Variants in ADAMTSL1 observed in about 807,000 individuals in gnomAD.
ADAMTSL1 encodes the protein ADAMTS-like protein 1.
A neutral mutation model predicts 201.8 loss-of-function variants in ADAMTSL1; 126 were observed. The ratio of observed to expected loss-of-function variants is 0.62; its 90% CI spans 0.54 to 0.72. ADAMTSL1 has a LOEUF of 0.72. ADAMTSL1 is among the 30% of genes least tolerant of loss of function. ADAMTSL1 has a pLI of 0.00. For missense variants in ADAMTSL1, 2,679 were observed against 2,277.8 expected, an observed-to-expected ratio of 1.18 and a Z score of -3.59; for synonymous variants, 1,121 against 903.4, an observed-to-expected ratio of 1.24 and a Z score of -4.32.
chr9:18,418,303 G>A (rs940434722), intron 2 of ADAMTSL1, among the ~76,000 whole-genome samples: 1 of 152,146 alleles, frequency 6.6e-6, no homozygotes, highest in Non-Finnish European at 1.5e-5. Context: ...CCGGCACTGG[G>A]GAAGGCAGTG....
At chr9:18,772,053 A>C (rs552371181) in intron 17 of ADAMTSL1, among the ~76,000 whole-genome samples, 2 of 152,290 alleles carry the variant, frequency 1.3e-5, no homozygotes, top group Non-Finnish European at 2.9e-5. Flanking sequence ...ATTTGATTTC[A>C]AGATATAAAG....
chr9:18,360,000 G>A (rs1836446367), intron 2 of ADAMTSL1, among the ~76,000 whole-genome samples: 1 of 152,024 alleles, frequency 6.6e-6, no homozygotes, highest in Non-Finnish European at 1.5e-5. Context: ...TTATTGTGCA[G>A]ATTAGAGATT....
chr9:18,315,696 C>G (rs4606157), intron 2 of ADAMTSL1, among the ~76,000 whole-genome samples: 48,140 of 151,810 alleles, frequency 0.32, 8,628 homozygotes, highest in Admixed American at 0.5. Flanking sequence ...GCCCCAGTTC[C>G]CGCCCGCGCC....
chr9:18,522,038 G>A (rs759647958), intron 2 of ADAMTSL1, among the ~76,000 whole-genome samples: 1 of 152,152 alleles, frequency 6.6e-6, no homozygotes, highest in Non-Finnish European at 1.5e-5. Context: ...TACACACAGG[G>A]TCCAGTGGTT....
At position 18,174,022 on chromosome 9, in the gene ADAMTSL1, T is replaced by C. The variant is rs561676318; in HGVS notation, c.207+10041T>C. Among the ~76,000 whole-genome samples the C allele has an allele frequency of 1.6e-4, 25 of 152,286 alleles. No homozygotes were observed. The East Asian group carries it at 3.7e-3, about 22-fold the overall frequency. ...ACGAATGATGAATATCACATATCTTTAGTATAGTTATAAATGTAAGGAGAT... is the reference window on the plus strand; with the variant it reads ...ACGAATGATGAATATCACATATCTTCAGTATAGTTATAAATGTAAGGAGAT... On this transcript the variant is annotated intron_variant, in intron 2 of 29. Coordinates refer to the ADAMTSL1 transcript ENST00000680146.
chr9:18,613,706 A>G (rs912513412), intron 4 of ADAMTSL1, among the ~76,000 whole-genome samples: 3 of 152,118 alleles, frequency 2.0e-5, no homozygotes, highest in Admixed American at 6.6e-5. Flanking sequence ...CAAAAAGGGG[A>G]ACAACAGACA....
intron 1 of ADAMTSL1, among the ~76,000 whole-genome samples, chr9:18,091,980 T>C (rs1013986547): frequency 6.6e-6 from 1 of 152,200 alleles, no homozygotes; most frequent in African/African-American, 2.4e-5. Context: ...GATTACATTC[T>C]TTGGGAATGA....
At position 18,849,916 on chromosome 9, in the gene ADAMTSL1, A is replaced by C. The variant is rs112865703; in HGVS notation, c.4249+19939A>C. On this transcript the variant is annotated intron_variant, in intron 23 of 28. Transcript: ENST00000380548. The stretch of plus-strand genomic sequence containing the variant: ...ATAGGGACTGCAGAAAGCTCTATAC[A>C]TACAGTGTAAAACTAAATTGTCATT... Among the ~76,000 whole-genome samples the C allele has an allele frequency of 1.8e-4, 27 of 152,362 alleles. 1 individual carries two copies. The highest frequency in any genetic ancestry group is 6.3e-4 in the African/African-American group (26 of 41,586).
intron 4 of ADAMTSL1, among the ~76,000 whole-genome samples, chr9:18,608,843 T>C (rs949318891): frequency 6.6e-6 from 1 of 152,220 alleles, no homozygotes; most frequent in Non-Finnish European, 1.5e-5. Flanking sequence ...AATTCCCAAC[T>C]TCCAGAAGAC....
At chr9:18,621,734 C>G (rs1056620933) in intron 4 of ADAMTSL1, among the ~76,000 whole-genome samples, 6 of 152,126 alleles carry the variant, frequency 3.9e-5, no homozygotes, top group African/African-American at 1.4e-4. Flanking sequence ...GTTCTCACTG[C>G]TTGGAATACA....
chr9:18,119,600 G>T (rs978854053), intron 1 of ADAMTSL1, among the ~76,000 whole-genome samples: 5 of 152,148 alleles, frequency 3.3e-5, no homozygotes, highest in African/African-American at 1.2e-4. Context: ...TTTTTAATAT[G>T]AGGTTGCTTT....
intron 1 of ADAMTSL1, among the ~76,000 whole-genome samples, chr9:18,032,197 G>T (rs1175843292): frequency 6.6e-6 from 1 of 152,180 alleles, no homozygotes; most frequent in African/African-American, 2.4e-5. Flanking sequence ...AGGGAGGGAT[G>T]CCTGGCTCCT....
intron 9 of ADAMTSL1, among the ~76,000 whole-genome samples, chr9:18,663,490 C>A (rs1829238548): frequency 6.6e-6 from 1 of 151,980 alleles, no homozygotes; most frequent in Non-Finnish European, 1.5e-5. Flanking sequence ...ACAGTTATAA[C>A]CCATGCAATT....
At chr9:18,627,767 A>ATC (rs71304876) in intron 5 of ADAMTSL1, among the ~76,000 whole-genome samples, 2,763 of 152,290 alleles carry the variant, frequency 0.018, 70 homozygotes, top group East Asian at 0.13. Context: ...CTGATTAGCA[A>ATC]TCTTAATTCC....
intron 1 of ADAMTSL1, among the ~76,000 whole-genome samples, chr9:18,486,615 G>C (rs1822009625): frequency 6.6e-6 from 1 of 152,154 alleles, no homozygotes; most frequent in Admixed American, 6.5e-5. Context: ...TGAGGTGGGA[G>C]GATTGCTTGA....
intron 2 of ADAMTSL1, among the ~76,000 whole-genome samples, chr9:18,373,522 T>A (rs1837145965): frequency 6.6e-6 from 1 of 152,080 alleles, no homozygotes; most frequent in South Asian, 2.1e-4. Flanking sequence ...CCCTCGGAAG[T>A]TAGGAGTCAT....
At chr9:18,475,666 C>A (rs965346632) in intron 1 of ADAMTSL1, among the ~76,000 whole-genome samples, 1 of 152,000 alleles carries the variant, frequency 6.6e-6, no homozygotes. Context: ...GTGGAGCAAG[C>A]GATTTATGAA....
At chr9:18,759,612 A>G (rs1168998785) in intron 16 of ADAMTSL1, among the ~76,000 whole-genome samples, 3 of 152,200 alleles carry the variant, frequency 2.0e-5, no homozygotes, top group Non-Finnish European at 2.9e-5. Context: ...ACTTGATCCT[A>G]TCTTTTGAGG....
intron 7 of ADAMTSL1, among the ~76,000 whole-genome samples, chr9:18,655,660 CA>C (rs981047145): frequency 1.3e-5 from 2 of 151,370 alleles, no homozygotes; most frequent in Non-Finnish European, 2.9e-5. Context: ...AACAAACAAA[CA>C]AAAAAACCTC....
Sources: allele counts gnomAD v4.1 joint callset (sites outside exome capture counted in the v4.1 genomes callset), GRCh38; gene constraint gnomAD v4.1.1; transcripts MANE v1.5; gene names NCBI Gene and HGNC (gene_info 2026-07-23, HGNC 2026-07-21).